The following NISCH variants were observed in gnomAD, a reference collection of about 807,000 sequenced individuals.
NISCH encodes the protein I-1 receptor candidate protein.
NISCH carries 55 observed loss-of-function variants against 138.4 expected under a neutral mutation model. That is an observed-to-expected ratio of 0.40 (90% CI 0.32 to 0.50). The LOEUF is 0.50. Among genes scored for constraint, NISCH ranks in the 20% least tolerant of loss-of-function variants. NISCH has a pLI of 0.71. For missense variants in NISCH, 1,643 were observed against 2,005.5 expected (o/e 0.82, Z 3.45); for synonymous variants, 860 against 861.5 (o/e 1.00, Z 0.03).
intron 1 of NISCH, 66 bp downstream of exon 1, chr3:52,455,800 C>A: frequency 1.7e-6 from 2 of 1,164,564 alleles, no homozygotes; most frequent in Non-Finnish European, 2.2e-6. Flanking sequence ...GACTCGGGGG[C>A]TTGGGGAGGG....
chr3:52,492,656 G>A lies in NISCH; in HGVS notation c.*174G>A. ...GTTAATTCTTTCTCATGTTGGGAGT[G>A]AGAATGCCGGGCCCCTCAGGGCTGT... On this transcript the variant is annotated 3_prime_UTR_variant, in exon 21 of 21. Coordinates refer to ENST00000345716, the MANE Select transcript of NISCH (RefSeq NM_007184.4). 3.2e-6 allele frequency: 3 copies of A among 941,194 alleles called. No individual in the cohort carries two copies. The highest frequency in any genetic ancestry group is 3.7e-5 in the South Asian group (2 of 54,162). The allele number at this position is 941,194 out of a possible 1,614,324, so 58.3% of individuals were successfully genotyped here.
At chr3:52,475,192 T>TAAA (rs762289102) in intron 7 of NISCH, among the ~76,000 whole-genome samples, 2 of 135,870 alleles carry the variant, frequency 1.5e-5, no homozygotes, top group Non-Finnish European at 1.6e-5. Context: ...CCTTGTCTCT[T>TAAA]AAAAAAAAAA....
intron 3 of NISCH, among the ~76,000 whole-genome samples, chr3:52,460,333 T>C (rs1706598286): frequency 6.6e-6 from 1 of 151,670 alleles, no homozygotes; most frequent in African/African-American, 2.4e-5. Context: ...ACACCAGTCT[T>C]CCCAGCAGAC....
intron 3 of NISCH, among the ~76,000 whole-genome samples, chr3:52,463,403 T>C (rs1204503406): frequency 6.6e-6 from 1 of 152,264 alleles, no homozygotes; most frequent in Non-Finnish European, 1.5e-5. Flanking sequence ...CAAATGATGC[T>C]GCTATGAGCA....
In NISCH at chr3:52,491,439, C is replaced by T. The variant is rs1480134669; in HGVS notation, c.3830C>T (p.Ser1277Phe). The T allele has an allele frequency of 2.5e-6, 4 of 1,613,488 alleles. No homozygotes were observed. The highest frequency in any genetic ancestry group is 2.5e-6 in the Non-Finnish European group (3 of 1,180,000). Residue 1277 changes from serine (S) to phenylalanine (F), a missense_variant, in exon 20 of 21, where the codon TCC (serine) becomes TTC (phenylalanine). Transcript: ENST00000345716. ...CTCCAGCACCTCATGGTCGTGCTGT[C>T]CTCTCTGGAACGCACGCCCTCGCCG... ...CFLQHLMVVL[S>F]SLERTPSPEP...
chr3:52,490,042 T>G (rs745658181), intron 17 of NISCH, 33 bp from the exon 18 acceptor site: 2 of 1,611,976 alleles, frequency 1.2e-6, no homozygotes, highest in Non-Finnish European at 1.7e-6. Flanking sequence ...GTTGCTAGGG[T>G]GGTGGAGCTG....
chr3:52,480,442 C>T (rs572347248), intron 13 of NISCH, 147 bp downstream of exon 13: 24 of 1,541,224 alleles, frequency 1.6e-5, no homozygotes, highest in African/African-American at 1.1e-4. Flanking sequence ...GGCTGGTCCT[C>T]GCGGGGGGAC....
chr3:52,484,462 T>TTGGGGGCCCCCCCCCC, intron 13 of NISCH, 51 bp from the exon 14 acceptor site: 3 of 788,670 alleles, frequency 3.8e-6, no homozygotes, highest in Non-Finnish European at 1.8e-6. Flanking sequence ...ACAGCCGCTC[T>TTGGGGGCCCCCCCCCC]CCCCGCCCCA....
chr3:52,475,210 A>T (rs79065389), intron 7 of NISCH, among the ~76,000 whole-genome samples: 2 of 149,132 alleles, frequency 1.3e-5, no homozygotes, highest in African/African-American at 5.0e-5. Context: ...AAAAAAAAAA[A>T]TTGGATTTGG....
intron 13 of NISCH, chr3:52,480,663 C>G: frequency 7.0e-7 from 1 of 1,422,456 alleles, no homozygotes; most frequent in Non-Finnish European, 9.1e-7. Context: ...TACAGGAAGC[C>G]GGGCTTGTGA....
chr3:52,459,369 T>C (rs777642163), intron 3 of NISCH, among the ~76,000 whole-genome samples: 5 of 152,178 alleles, frequency 3.3e-5, no homozygotes, highest in Admixed American at 1.3e-4. Context: ...GGAACAACTT[T>C]CATAGGTTGC....
At chr3:52,459,724 G>A (rs978073262) in intron 3 of NISCH, among the ~76,000 whole-genome samples, 3 of 151,694 alleles carry the variant, frequency 2.0e-5, no homozygotes, top group Admixed American at 6.6e-5. Context: ...GTGTGCCACC[G>A]CACCTGGCCA....
intron 5 of NISCH, 136 bp from the exon 6 acceptor site, chr3:52,472,167 T>A: frequency 1.0e-6 from 1 of 997,254 alleles, no homozygotes; most frequent in Non-Finnish European, 1.5e-6. Context: ...AGTGTCCCGT[T>A]AAATTAAGTC....
chr3:52,460,045 G>T (rs913134174), intron 3 of NISCH, among the ~76,000 whole-genome samples: 7 of 151,482 alleles, frequency 4.6e-5, no homozygotes, highest in African/African-American at 1.7e-4. Context: ...GCTGGGTATG[G>T]TGGCAGATGC....
At chr3:52,463,018 GT>G (rs1706680216) in intron 3 of NISCH, among the ~76,000 whole-genome samples, 1 of 152,206 alleles carries the variant, frequency 6.6e-6, no homozygotes, top group Non-Finnish European at 1.5e-5. Context: ...GTAGTTTTTA[GT>G]ATATTCACAA....
intron 20 of NISCH, 32 bp from the exon 21 acceptor site, chr3:52,491,840 C>T (rs1460488290): frequency 1.9e-6 from 3 of 1,544,682 alleles, no homozygotes; most frequent in Non-Finnish European, 1.7e-6. Context: ...GGGCCGGTTC[C>T]AGGCTATAGC....
chr3:52,476,748 T>C, intron 8 of NISCH, 149 bp downstream of exon 8: 2 of 814,808 alleles, frequency 2.5e-6, no homozygotes, highest in South Asian at 3.5e-5. Context: ...AATTACAAAA[T>C]GGGGGCTGGG....
intron 8 of NISCH, 111 bp downstream of exon 8, chr3:52,476,710 C>G: frequency 9.3e-7 from 1 of 1,071,428 alleles, no homozygotes; most frequent in South Asian, 1.4e-5. Context: ...ATATCTAGTG[C>G]TCTGTGCATT....
In NISCH at chr3:52,476,524, C is replaced by G. The variant is rs60805368; in HGVS notation, c.843C>G (p.Ala281=). 5 of 1,613,874 alleles carry G rather than the reference C, an allele frequency of 3.1e-6. No individual in the cohort carries two copies. The highest frequency in any genetic ancestry group is 3.4e-6 in the Non-Finnish European group (4 of 1,179,954). ...CAACCCTAGAAGGCCCTGTGACTGC[C>G]GTCATCCCCACTTGGCAGGCATTGA... ...EGTTLEGPVT[A]VIPTWQALTT... Residue 281 remains alanine, a synonymous_variant, in exon 8 of 21, where the codon GCC becomes GCG. Coordinates refer to ENST00000345716, the MANE Select transcript of NISCH (RefSeq NM_007184.4).
Sources: allele counts gnomAD v4.1 joint callset (sites outside exome capture counted in the v4.1 genomes callset), GRCh38; gene constraint gnomAD v4.1.1; transcripts MANE v1.5; gene names NCBI Gene and HGNC (gene_info 2026-07-23, HGNC 2026-07-21).